The following SLC43A1 variants were observed in gnomAD, a reference collection of about 807,000 sequenced individuals.
SLC43A1 encodes solute carrier family 43 member 1, also known as large neutral amino acids transporter small subunit 3.
Under a neutral mutation model 59.5 loss-of-function variants are expected in SLC43A1, and 31 were observed. The ratio of observed to expected loss-of-function variants is 0.52; its 90% CI spans 0.39 to 0.70. SLC43A1 has a LOEUF of 0.70. SLC43A1 is among the 30% of genes least tolerant of loss of function. The probability of loss-of-function intolerance (pLI) is 0.00; values close to 1 mark genes in which losing one functional copy is unlikely to be tolerated. For synonymous variants in SLC43A1, 259 were observed against 290.9 expected (o/e 0.89, Z 1.12); for missense variants, 598 against 717.8 (o/e 0.83, Z 1.91).
At chr11:57,496,316 A>T in intron 6 of SLC43A1, 152 bp from the exon 7 acceptor site, 2 of 810,114 alleles carry the variant, frequency 2.5e-6, no homozygotes, top group East Asian at 2.8e-5. Context: ...CCAGAAGTTT[A>T]GAGTCAGACT....
At chr11:57,495,501 C>T (rs556913758) in intron 7 of SLC43A1, among the ~76,000 whole-genome samples, 1 of 151,876 alleles carries the variant, frequency 6.6e-6, no homozygotes, top group East Asian at 1.9e-4. Flanking sequence ...ATGTTTTGAC[C>T]ACCTGTTATG....
At chr11:57,496,290 G>C in intron 6 of SLC43A1, 126 bp from the exon 7 acceptor site, 1 of 1,111,546 alleles carries the variant, frequency 9.0e-7, no homozygotes, top group Non-Finnish European at 1.2e-6. Flanking sequence ...CCAATTTGCA[G>C]ATGAGGAAAC....
chr11:57,503,326 G>A (rs1269596908), intron 2 of SLC43A1, among the ~76,000 whole-genome samples: 2 of 147,346 alleles, frequency 1.4e-5, no homozygotes, highest in African/African-American at 2.5e-5. Flanking sequence ...TTGAGACAGG[G>A]TCTCACTCTG....
At chr11:57,497,702 C>T in intron 6 of SLC43A1, 51 bp downstream of exon 6, 1 of 1,446,012 alleles carries the variant, frequency 6.9e-7, no homozygotes. Context: ...CTCACTCGGC[C>T]CCACCCGGTT....
rs1288770545 is a variant in SLC43A1 at position 57,493,982 on chromosome 11, C to T, written c.871+11G>A. 6.3e-7 allele frequency: 1 copy of T among 1,575,726 alleles called. No individual in the cohort carries two copies. Among genetic ancestry groups the T allele is most frequent in the Non-Finnish European group, 8.6e-7 (1 of 1,162,536 alleles). ...TATCCCCCAAGGCCGGCACCTTGACCAGACACTCACTCTCAGGAAGGTTTT... is the reference window on the plus strand; with the variant it reads ...TATCCCCCAAGGCCGGCACCTTGACTAGACACTCACTCTCAGGAAGGTTTT... On this transcript the variant is annotated intron_variant, in intron 8 of 14. Coordinates refer to ENST00000278426, the MANE Select transcript of SLC43A1 (RefSeq NM_003627.6).
chr11:57,484,961 G>T lies in SLC43A1; in HGVS notation c.*135C>A. On this transcript the variant is annotated 3_prime_UTR_variant, in exon 15 of 15. Coordinates refer to ENST00000278426, the MANE Select transcript of SLC43A1 (RefSeq NM_003627.6). ...CCTTTTTGCAGTCTTTACAAAAATA[G>T]AACTTCTCTTGGTATTTATAAATCT... 9.1e-7 allele frequency: 1 copy of T among 1,101,968 alleles called. No individual in the cohort carries two copies. The highest frequency in any genetic ancestry group is 1.2e-6 in the Non-Finnish European group (1 of 809,228). The allele number at this position is 1,101,968 out of a possible 1,614,324, so 68.3% of individuals were successfully genotyped here. A position where few individuals can be genotyped will look rare whatever the true frequency, so the allele number is the denominator to read the frequency against.
intron 8 of SLC43A1, among the ~76,000 whole-genome samples, chr11:57,492,238 T>A (rs1041313080): frequency 7.3e-6 from 1 of 137,702 alleles, no homozygotes; most frequent in African/African-American, 2.7e-5. Flanking sequence ...TTTATTTATA[T>A]ACAGAAATTA....
At chr11:57,511,916 G>A (rs950175905) in intron 2 of SLC43A1, among the ~76,000 whole-genome samples, 2 of 152,094 alleles carry the variant, frequency 1.3e-5, no homozygotes, top group Non-Finnish European at 1.5e-5. Flanking sequence ...GGCAGAGGTG[G>A]GGGTGAGGCG....
chr11:57,509,685 GGAGA>G (rs1310396422), intron 2 of SLC43A1, among the ~76,000 whole-genome samples: 15 of 126,020 alleles, frequency 1.2e-4, no homozygotes, highest in Admixed American at 7.1e-4. Flanking sequence ...AGGGAGGGAG[GGAGA>G]GAGGGAGGGA....
At position 57,510,222 on chromosome 11, in the gene SLC43A1, C is replaced by T. The variant is rs184881853; in HGVS notation, c.154+3736G>A. Among the ~76,000 whole-genome samples the T allele has an allele frequency of 3.3e-3, 498 of 151,710 alleles. 6 individuals carry two copies. Among genetic ancestry groups the T allele is most frequent in the African/African-American group, 0.012 (478 of 41,348 alleles). ...CTGTAATCCCAGCACTTTGGGAGGCCGAGGTGGGCGGATCACTTGAGGTCA... is the reference window on the plus strand; with the variant it reads ...CTGTAATCCCAGCACTTTGGGAGGCTGAGGTGGGCGGATCACTTGAGGTCA... On this transcript the variant is annotated intron_variant, in intron 2 of 14. Coordinates refer to ENST00000278426, the MANE Select transcript of SLC43A1 (RefSeq NM_003627.6).
At chr11:57,496,189 T>A in intron 6 of SLC43A1, 25 bp from the exon 7 acceptor site, 1 of 1,612,324 alleles carries the variant, frequency 6.2e-7, no homozygotes, top group South Asian at 1.1e-5. Context: ...GGCAGGCCCG[T>A]GGGGGAGACT....
intron 5 of SLC43A1, 37 bp downstream of exon 5, chr11:57,500,742 G>T: frequency 6.2e-7 from 1 of 1,601,626 alleles, no homozygotes; most frequent in Non-Finnish European, 8.6e-7. Flanking sequence ...CCCCACTCGG[G>T]GGAACTCTGC....
In SLC43A1 at chr11:57,514,900, G is replaced by T; in HGVS notation, c.-14+544C>A. 1 of 981,498 alleles carries T rather than the reference G, an allele frequency of 1.0e-6. No homozygotes were observed. Among genetic ancestry groups the T allele is most frequent in the Non-Finnish European group, 1.2e-6 (1 of 826,428 alleles). The allele number at this position is 981,498 out of a possible 1,614,324, so 60.8% of individuals were successfully genotyped here. ...CGGCTGCTGACTTTATAAGGGCAGC[G>T]GTGGCGGATGGGCTGGCGGGCGGGT... On this transcript the variant is annotated intron_variant, in intron 1 of 14. Transcript: ENST00000278426. This position sits in a 1 kb window ranked among gnomAD's most constrained non-coding sequence, Gnocchi z 5.5.
chr11:57,503,076 T>C, intron 2 of SLC43A1, among the ~76,000 whole-genome samples: 1 of 151,908 alleles, frequency 6.6e-6, no homozygotes, highest in Admixed American at 6.6e-5. Flanking sequence ...TGTGTTGACA[T>C]AAGGAAGAAC....
intron 2 of SLC43A1, among the ~76,000 whole-genome samples, chr11:57,506,208 T>C (rs1346081158): frequency 6.6e-6 from 1 of 152,098 alleles, no homozygotes; most frequent in Non-Finnish European, 1.5e-5. Context: ...TAGCTGAGCA[T>C]AGTGGCGCAC....
In SLC43A1 at chr11:57,515,215, G is replaced by A. The variant is rs559207868; in HGVS notation, c.-14+229C>T. 1.3e-4 allele frequency: 31 copies of A among 237,902 alleles called. No individual in the cohort carries two copies. The highest frequency in any genetic ancestry group is 6.7e-4 in the African/African-American group (29 of 43,076). The allele number at this position is 237,902 out of a possible 1,614,324, so 14.7% of individuals were successfully genotyped here. On this transcript the variant is annotated intron_variant, in intron 1 of 14. Transcript: ENST00000278426. This position sits in a 1 kb window ranked among gnomAD's most constrained non-coding sequence, Gnocchi z 5.3. The stretch of plus-strand genomic sequence containing the variant: ...AAACGCGCAGCTCTAAGCAGAGGAA[G>A]TGCAGCGAGCGGGGACCCGGGAGGA...
At chr11:57,508,158 T>A (rs2135216270) in intron 2 of SLC43A1, among the ~76,000 whole-genome samples, 1 of 151,794 alleles carries the variant, frequency 6.6e-6, no homozygotes, top group Non-Finnish European at 1.5e-5. Context: ...TCCCAGCTAC[T>A]CAGGAGGCTG....
In SLC43A1 at chr11:57,491,527, G is replaced by A. The variant is rs1442491517; in HGVS notation, c.1054+64C>T. On this transcript the variant is annotated intron_variant, in intron 10 of 14. Transcript: ENST00000278426. Reference sequence around the variant, plus strand: ...GTGGGCCCAGGCCTAGAGGAGTCCCGCCCCCTGAGAAGCGGGTTGCAGTGG... The same window carrying A: ...GTGGGCCCAGGCCTAGAGGAGTCCCACCCCCTGAGAAGCGGGTTGCAGTGG... 1.4e-5 allele frequency: 23 copies of A among 1,603,558 alleles called. 1 individual carries two copies. The highest frequency in any genetic ancestry group is 1.0e-4 in the Admixed American group (6 of 59,626).
At chr11:57,496,847 G>C (rs1017865782) in intron 6 of SLC43A1, among the ~76,000 whole-genome samples, 1 of 152,216 alleles carries the variant, frequency 6.6e-6, no homozygotes, top group Non-Finnish European at 1.5e-5. Flanking sequence ...CATCTGACCA[G>C]GATAATTAAT....
Sources: gnomAD v4.1 joint callset for allele counts (sites outside exome capture counted in the v4.1 genomes callset) on GRCh38, gnomAD v4.1.1 for gene constraint, Gnocchi (gnomAD v3.1) non-coding constraint, MANE v1.5 for transcripts, NCBI Gene and HGNC (gene_info 2026-07-23, HGNC 2026-07-21) for gene names.